The following PCDHA5 variants were observed in gnomAD, a reference collection of about 807,000 sequenced individuals.
PCDHA5 encodes the protein protocadherin alpha 5, also known as protocadherin alpha-5.
PCDHA5 carries 43 observed loss-of-function variants against 61.6 expected under a neutral mutation model. The observed-to-expected ratio is 0.70, with a 90% confidence interval of 0.55 to 0.90. The LOEUF is 0.90. Ranked by LOEUF, PCDHA5 falls within the 40% of genes least tolerant of loss-of-function variation. The pLI is 0.00. For synonymous variants in PCDHA5, 627 were observed against 543.9 expected (o/e 1.15, Z -2.13); for missense variants, 1,298 against 1,222.7 (o/e 1.06, Z -0.92).
At chr5:140,951,071 C>T (rs246044) in intron 1 of PCDHA5, among the ~76,000 whole-genome samples, 86,232 of 151,532 alleles carry the variant, frequency 0.57, 25,208 homozygotes, top group African/African-American at 0.71. Flanking sequence ...CATTGGCTTT[C>T]TTATATTTTC....
intron 1 of PCDHA5, chr5:140,871,557 T>C (rs2053187983): frequency 1.3e-6 from 2 of 1,489,740 alleles, no homozygotes. Flanking sequence ...AATCCAGTTT[T>C]TTTTCACGGA....
In PCDHA5 at chr5:140,967,909, C is replaced by T. The variant is rs140881563; in HGVS notation, c.2353-11040C>T. The T allele has an allele frequency of 5.0e-5, 81 of 1,614,206 alleles. No individual in the cohort carries two copies. In the African/African-American group the frequency reaches 9.1e-4, roughly 18 times the overall value. ...CAGTGCCTGAGAATGCTACACCCAACACCATTGTGGCCGTTCTCAGTGTCA... is the reference window on the plus strand; with the variant it reads ...CAGTGCCTGAGAATGCTACACCCAATACCATTGTGGCCGTTCTCAGTGTCA... On this transcript the variant is annotated intron_variant, in intron 1 of 3. Coordinates refer to ENST00000529859, the MANE Select transcript of PCDHA5 (RefSeq NM_018908.3).
chr5:140,877,081 G>T (rs201590988), intron 1 of PCDHA5: 2 of 1,613,120 alleles, frequency 1.2e-6, no homozygotes, highest in Non-Finnish European at 1.7e-6. Flanking sequence ...CCAGGTGAGC[G>T]CGCGCGACGC....
chr5:140,960,316 G>A (rs1360755627), intron 1 of PCDHA5, among the ~76,000 whole-genome samples: 1 of 152,066 alleles, frequency 6.6e-6, no homozygotes, highest in African/African-American at 2.4e-5. Flanking sequence ...ACCTCATTAG[G>A]GTCCTGTGAG....
chr5:141,009,584 A>G, intron 3 of PCDHA5, 43 bp from the exon 4 acceptor site: 1 of 1,592,004 alleles, frequency 6.3e-7, no homozygotes, highest in Non-Finnish European at 8.6e-7. Context: ...CATCAAGAGC[A>G]TGTGTTGACC....
intron 1 of PCDHA5, among the ~76,000 whole-genome samples, chr5:140,977,965 C>T (rs782117847): frequency 3.3e-5 from 5 of 152,150 alleles, no homozygotes; most frequent in Non-Finnish European, 5.9e-5. Context: ...CCTCAATCTC[C>T]GCCCATGAAA....
chr5:141,000,393 CTCTATATATATA>C (rs1208951211), intron 3 of PCDHA5, among the ~76,000 whole-genome samples: 9 of 52,848 alleles, frequency 1.7e-4, no homozygotes, highest in African/African-American at 6.4e-4. Context: ...CTCTCTCTCT[CTCTATATATATA>C]TATATATATA....
intron 3 of PCDHA5, among the ~76,000 whole-genome samples, chr5:140,996,256 A>C (rs2097718697): frequency 6.6e-6 from 1 of 152,252 alleles, no homozygotes. Flanking sequence ...TGACAGCAAC[A>C]CAGAGCCTGG....
chr5:140,828,408 T>C, intron 1 of PCDHA5: 3 of 1,614,250 alleles, frequency 1.9e-6, no homozygotes, highest in Non-Finnish European at 2.5e-6. Context: ...AGCATCCACC[T>C]GGAGGTGATC....
chr5:140,863,170 A>G (rs1458621286), intron 1 of PCDHA5: 2 of 688,322 alleles, frequency 2.9e-6, no homozygotes, highest in African/African-American at 1.8e-5. Flanking sequence ...GCTGGCGCTG[A>G]CTGCCACCGT....
At chr5:140,954,592 T>G (rs1250050362) in intron 1 of PCDHA5, among the ~76,000 whole-genome samples, 13 of 152,236 alleles carry the variant, frequency 8.5e-5, no homozygotes, top group Non-Finnish European at 5.9e-5. Flanking sequence ...TCTGTTCATG[T>G]TCTTTGCCCA....
chr5:140,827,962 TA>T, intron 1 of PCDHA5: 1 of 1,320,364 alleles, frequency 7.6e-7, no homozygotes, highest in South Asian at 1.4e-5. Flanking sequence ...TTTCTTCTAT[TA>T]CTGCATCATT....
At chr5:140,997,062 G>T (rs1159348962) in intron 3 of PCDHA5, among the ~76,000 whole-genome samples, 2 of 151,910 alleles carry the variant, frequency 1.3e-5, no homozygotes, top group African/African-American at 4.8e-5. Flanking sequence ...GCAGTTTTAG[G>T]TTCACAGGAA....
At chr5:140,899,359 T>A (rs1247414230) in intron 1 of PCDHA5, among the ~76,000 whole-genome samples, 57 of 152,234 alleles carry the variant, frequency 3.7e-4, no homozygotes, top group Admixed American at 1.4e-3. Flanking sequence ...TTTTGAGATA[T>A]GTCCCATCAA....
At chr5:140,986,085 TCA>T (rs1395722991) in intron 3 of PCDHA5, among the ~76,000 whole-genome samples, 1 of 152,182 alleles carries the variant, frequency 6.6e-6, no homozygotes, top group Non-Finnish European at 1.5e-5. Context: ...TCATTTATTT[TCA>T]CAGTCTGCAA....
Position 140,871,139 on chromosome 5 carries a change from C to T in PCDHA5, c.2352+47012C>T, listed in dbSNP as rs782085001. 8 of 1,613,312 alleles carry T rather than the reference C, an allele frequency of 5.0e-6. No individual in the cohort carries two copies. The African/African-American group carries it at 6.7e-5, about 13-fold the overall frequency. On this transcript the variant is annotated intron_variant, in intron 1 of 3. Coordinates refer to ENST00000529859, the MANE Select transcript of PCDHA5 (RefSeq NM_018908.3). ...AGCGGACAGGCGCCAAAGGCCTCTTCCCGGACTTTGGCGGGCGCCGCGAGC... is the reference window on the plus strand; with the variant it reads ...AGCGGACAGGCGCCAAAGGCCTCTTTCCGGACTTTGGCGGGCGCCGCGAGC...
intron 1 of PCDHA5, among the ~76,000 whole-genome samples, chr5:140,971,561 A>G (rs367567903): frequency 1.3e-3 from 195 of 152,186 alleles, no homozygotes; most frequent in African/African-American, 4.3e-3. Context: ...TTAAATTCCC[A>G]TGTTGGGCTT....
At chr5:140,921,615 C>A (rs977929420) in intron 1 of PCDHA5, among the ~76,000 whole-genome samples, 13 of 152,090 alleles carry the variant, frequency 8.5e-5, no homozygotes, top group Non-Finnish European at 1.5e-4. Flanking sequence ...AGAAAAATAT[C>A]ATCAGATCAT....
chr5:140,828,847 C>A (rs2150159691), intron 1 of PCDHA5: 10 of 1,614,168 alleles, frequency 6.2e-6, no homozygotes, highest in Non-Finnish European at 8.5e-6. Flanking sequence ...TAAGAATATT[C>A]GAAAATGCAG....
Sources: gnomAD v4.1 joint callset for allele counts (sites outside exome capture counted in the v4.1 genomes callset) on GRCh38, gnomAD v4.1.1 for gene constraint, MANE v1.5 for transcripts, NCBI Gene and HGNC (gene_info 2026-07-23, HGNC 2026-07-21) for gene names.